LSG1: variants seen among roughly 807,000 people sequenced by gnomAD.
LSG1 encodes the protein large subunit GTPase 1 homolog.
In LSG1, 55 loss-of-function variants were observed where a neutral mutation model predicts 82.6. The observed-to-expected ratio is 0.67, with a 90% confidence interval of 0.54 to 0.83. LSG1 has a LOEUF of 0.83. LSG1 is among the 40% of genes least tolerant of loss of function. LSG1 has a pLI of 0.00. For synonymous variants in LSG1, 272 were observed against 282.5 expected (o/e 0.96, Z 0.37); for missense variants, 809 against 807.9 (o/e 1.00, Z -0.02).
At position 194,662,467 on chromosome 3, in the gene LSG1, T is replaced by C. The variant is rs201089207; in HGVS notation, c.522-2334A>G. ...CCTGGCAGGAGATCATTCTTCTTTT[T>C]AAAAACTGACTGGCACTGGGCACAG... is the stretch of plus-strand genomic sequence containing the variant. On this transcript the variant is annotated intron_variant, in intron 5 of 13. Coordinates refer to ENST00000265245, the MANE Select transcript of LSG1 (RefSeq NM_018385.3). 4.2e-4 allele frequency among the ~76,000 whole-genome samples: 64 copies of C among 152,282 alleles called. No homozygotes were observed. In the East Asian group the frequency reaches 9.3e-3, roughly 22 times the overall value.
chr3:194,666,706 G>T, intron 2 of LSG1, 134 bp from the exon 3 acceptor site: 1 of 690,040 alleles, frequency 1.4e-6, no homozygotes, highest in Non-Finnish European at 2.4e-6. Context: ...GATTCTTCTA[G>T]CCTTGGGTAA....
intron 12 of LSG1, 144 bp from the exon 13 acceptor site, chr3:194,644,890 G>T (rs1003538018): frequency 2.7e-5 from 14 of 527,848 alleles, no homozygotes; most frequent in Non-Finnish European, 4.1e-5. Flanking sequence ...TACTGCAGCT[G>T]AAGAGTCCTT....
Position 194,645,507 on chromosome 3 carries a change from C to T in LSG1, c.1623+657G>A, listed in dbSNP as rs1365473809. On this transcript the variant is annotated intron_variant, in intron 12 of 13. Coordinates refer to ENST00000265245, the MANE Select transcript of LSG1 (RefSeq NM_018385.3). ...TTGAGCTTAGTGCTACACACACACA[C>T]ACACACACACACACACACACACAGA... 2 of 45,418 alleles carry T rather than the reference C, an allele frequency of 4.4e-5. 1 individual carries two copies. The highest frequency in any genetic ancestry group is 1.2e-4 in the African/African-American group (2 of 16,148). The allele number at this position is 45,418 out of a possible 1,614,324, so 2.8% of individuals were successfully genotyped here.
At chr3:194,671,579 G>C (rs1719140259) in intron 1 of LSG1, among the ~76,000 whole-genome samples, 1 of 152,122 alleles carries the variant, frequency 6.6e-6, no homozygotes, top group Admixed American at 6.5e-5. Context: ...ATTAGGTCTT[G>C]TCACACCTGA....
intron 12 of LSG1, among the ~76,000 whole-genome samples, chr3:194,645,561 C>CAG (rs1718523141): frequency 9.8e-5 from 6 of 61,478 alleles, no homozygotes; most frequent in Admixed American, 7.6e-4. Context: ...CACACACACA[C>CAG]ACACACACAG....
At chr3:194,651,291 G>A (rs1285706274) in intron 8 of LSG1, 75 bp from the exon 9 acceptor site, 1 of 982,500 alleles carries the variant, frequency 1.0e-6, no homozygotes, top group Non-Finnish European at 1.6e-6. Flanking sequence ...GACATAGATG[G>A]TGGCAAGACT....
At chr3:194,644,351 A>G (rs1212883643) in intron 13 of LSG1, among the ~76,000 whole-genome samples, 1 of 144,406 alleles carries the variant, frequency 6.9e-6, no homozygotes, top group African/African-American at 2.5e-5. Flanking sequence ...CCTGGGCGAC[A>G]GAGCGAGACT....
intron 5 of LSG1, among the ~76,000 whole-genome samples, chr3:194,661,394 G>A (rs144678109): frequency 6.6e-6 from 1 of 152,310 alleles, no homozygotes; most frequent in East Asian, 1.9e-4. Flanking sequence ...GAACATGTAG[G>A]AAGAACCATC....
At chr3:194,657,781 G>A (rs907554477) in intron 7 of LSG1, among the ~76,000 whole-genome samples, 1 of 152,150 alleles carries the variant, frequency 6.6e-6, no homozygotes, top group Admixed American at 6.6e-5. Flanking sequence ...GGGACAAAGA[G>A]TCCTCAGATC....
Position 194,652,735 on chromosome 3 carries a change from G to A in LSG1, c.1167C>T (p.Val389=), listed in dbSNP as rs35480846. Reference sequence around the variant, plus strand: ...ATGACATATGTCATCTTACCAGTCCGACCGTAAGTTGCCCATCTTTCACCT... The same window carrying A: ...ATGACATATGTCATCTTACCAGTCCAACCGTAAGTTGCCCATCTTTCACCT... ...GRKVKDGQLT[V]GLVGYPNVGK... is the part of the protein sequence containing the mutation. The change falls in exon 8 of 14, where the codon GTC becomes GTT. Residue 389 remains valine, a synonymous_variant. Transcript: ENST00000265245. 9,857 of 1,612,330 alleles carry A rather than the reference G, an allele frequency of 6.1e-3. 46 individuals are homozygous for A. Among genetic ancestry groups the A allele is most frequent in the Non-Finnish European group, 7.3e-3 (8,574 of 1,178,776 alleles).
intron 11 of LSG1, among the ~76,000 whole-genome samples, chr3:194,647,789 G>A (rs1214326217): frequency 2.0e-5 from 3 of 152,188 alleles, no homozygotes; most frequent in African/African-American, 7.2e-5. Context: ...GGTCAGCTCA[G>A]GCTCTGAGTT....
intron 10 of LSG1, 37 bp downstream of exon 10, chr3:194,650,844 C>T (rs768579074): frequency 7.6e-5 from 120 of 1,577,958 alleles, no homozygotes; most frequent in Middle Eastern, 6.8e-4. Context: ...CTAATATGCA[C>T]GTAATAACTA....
At chr3:194,665,979 A>C (rs1719021300) in intron 4 of LSG1, among the ~76,000 whole-genome samples, 1 of 152,248 alleles carries the variant, frequency 6.6e-6, no homozygotes, top group South Asian at 2.1e-4. Context: ...TGAAAGGAAA[A>C]GGCCCGGAAC....
At chr3:194,649,097 TTG>T (rs538043833) in intron 10 of LSG1, 48 of 281,402 alleles carry the variant, frequency 1.7e-4, no homozygotes, top group Non-Finnish European at 3.1e-4. Flanking sequence ...GATTACGCAT[TTG>T]TGATTCTAAT....
chr3:194,643,693 G>A (rs762797216), intron 13 of LSG1, among the ~76,000 whole-genome samples: 11 of 152,124 alleles, frequency 7.2e-5, no homozygotes, highest in South Asian at 2.1e-4. Flanking sequence ...ACCCCACGCC[G>A]AGGTATATAC....
Position 194,664,282 on chromosome 3 carries a change from A to C in LSG1, c.521+1275T>G, listed in dbSNP as rs1173939937. On this transcript the variant is annotated intron_variant, in intron 5 of 13. Coordinates refer to ENST00000265245, the MANE Select transcript of LSG1 (RefSeq NM_018385.3). ...TTTCTTAATAACAATGCTAAATGTG[A>C]TAAGATTCTTTTCTGAGAATCCCAA... 2.0e-5 allele frequency among the ~76,000 whole-genome samples: 3 copies of C among 152,184 alleles called. No individual in the cohort carries two copies. The South Asian group carries it at 6.2e-4, about 32-fold the overall frequency.
rs1429521962 is a variant in LSG1, at chr3:194,656,189, G to A, written c.759+2768C>T. Among the ~76,000 whole-genome samples the A allele has an allele frequency of 2.6e-5, 4 of 151,658 alleles. No individual in the cohort carries two copies. In the South Asian group the frequency reaches 8.4e-4, roughly 32 times the overall value. On this transcript the variant is annotated intron_variant, in intron 7 of 13. Coordinates refer to ENST00000265245, the MANE Select transcript of LSG1 (RefSeq NM_018385.3). ...ACTAAAGAGCTTCTGCACAGCAAAA[G>A]AAACCACCATCAGAGTGAACAGGCA...
chr3:194,656,137 C>G (rs1718784998), intron 7 of LSG1, among the ~76,000 whole-genome samples: 1 of 151,710 alleles, frequency 6.6e-6, no homozygotes, highest in African/African-American at 2.4e-5. Flanking sequence ...CAACAAAAGC[C>G]AAAATTGACA....
chr3:194,658,960 A>C lies in LSG1; in HGVS notation c.756T>G (p.Ser252=). Residue 252 remains serine, a synonymous_variant, in exon 7 of 14, where the codon TCT becomes TCG. Coordinates refer to ENST00000265245, the MANE Select transcript of LSG1 (RefSeq NM_018385.3). ...CCTAAAATGTCCCTCAGGTTACCTCAGAGTCACCATTCAGGGGAATGGCTC... is the reference window on the plus strand; with the variant it reads ...CCTAAAATGTCCCTCAGGTTACCTCCGAGTCACCATTCAGGGGAATGGCTC... ...LAGAIPLNGD[S]EEEANRDDRQ... is the part of the protein sequence containing the mutation. 1.9e-6 allele frequency: 3 copies of C among 1,612,472 alleles called. No individual in the cohort carries two copies. The highest frequency in any genetic ancestry group is 2.5e-6 in the Non-Finnish European group (3 of 1,178,910).
Sources: allele counts gnomAD v4.1 joint callset (sites outside exome capture counted in the v4.1 genomes callset), GRCh38; gene constraint gnomAD v4.1.1; transcripts MANE v1.5; gene names NCBI Gene and HGNC (gene_info 2026-07-23, HGNC 2026-07-21).